Variants in PCDH9 observed in about 807,000 individuals in gnomAD.
PCDH9 encodes protocadherin-9.
PCDH9 carries 24 observed loss-of-function variants against 70.6 expected under a neutral mutation model. The ratio of observed to expected loss-of-function variants is 0.34; its 90% CI spans 0.25 to 0.48. The LOEUF is 0.48. Ranked by LOEUF, PCDH9 falls within the 20% of genes least tolerant of loss-of-function variation. PCDH9 has a pLI of 0.99. For missense variants in PCDH9, 1,281 were observed against 1,503.6 expected (o/e 0.85, Z 2.45); for synonymous variants, 562 against 558.5 (o/e 1.01, Z -0.09).
At chr13:67,000,321 G>A (rs1287202964) in intron 2 of PCDH9, among the ~76,000 whole-genome samples, 9 of 145,326 alleles carry the variant, frequency 6.2e-5, no homozygotes, top group Non-Finnish European at 1.1e-4. Context: ...ATCACACTCT[G>A]GGGACTGTTG....
intron 2 of PCDH9, among the ~76,000 whole-genome samples, chr13:67,196,761 C>G (rs1219403391): frequency 1.3e-5 from 2 of 151,618 alleles, no homozygotes; most frequent in African/African-American, 4.8e-5. Flanking sequence ...GTTAGATTAC[C>G]AAAAAACCCA....
chr13:67,069,502 TAC>T (rs1227519861), intron 2 of PCDH9, among the ~76,000 whole-genome samples: 1 of 152,154 alleles, frequency 6.6e-6, no homozygotes, highest in Non-Finnish European at 1.5e-5. Context: ...AGAAAACCTT[TAC>T]ATCGAAACCA....
At chr13:66,937,079 C>T (rs1198501661) in intron 2 of PCDH9, among the ~76,000 whole-genome samples, 1 of 152,138 alleles carries the variant, frequency 6.6e-6, no homozygotes, top group Non-Finnish European at 1.5e-5. Context: ...ATATAATTTT[C>T]CAGTTTTATT....
At chr13:66,942,008 A>G (rs1268883131) in intron 2 of PCDH9, among the ~76,000 whole-genome samples, 1 of 151,970 alleles carries the variant, frequency 6.6e-6, no homozygotes, top group African/African-American at 2.4e-5. Context: ...TCAGCGACAG[A>G]AGGACTTCTG....
intron 3 of PCDH9, among the ~76,000 whole-genome samples, chr13:66,818,534 A>G (rs2080648464): frequency 6.6e-6 from 1 of 152,186 alleles, no homozygotes; most frequent in Non-Finnish European, 1.5e-5. Flanking sequence ...ATTAAACTCA[A>G]GAATATATAA....
chr13:66,826,590 A>C (rs969904916), intron 3 of PCDH9, among the ~76,000 whole-genome samples: 25 of 152,218 alleles, frequency 1.6e-4, no homozygotes, highest in African/African-American at 5.1e-4. Context: ...CTGTGAATCC[A>C]GGAAATGATT....
At chr13:66,884,991 T>C (rs1215700176) in intron 3 of PCDH9, among the ~76,000 whole-genome samples, 1 of 152,186 alleles carries the variant, frequency 6.6e-6, no homozygotes, top group Admixed American at 6.6e-5. Context: ...ATAAAATTGA[T>C]TAAAATTTCT....
At chr13:67,229,268 T>G (rs1398049935) in intron 1 of PCDH9, among the ~76,000 whole-genome samples, 1 of 152,218 alleles carries the variant, frequency 6.6e-6, no homozygotes, top group Non-Finnish European at 1.5e-5. Context: ...CATAAACACA[T>G]TAAAACTTTT....
At chr13:66,835,111 T>C (rs534340345) in intron 3 of PCDH9, among the ~76,000 whole-genome samples, 6 of 152,358 alleles carry the variant, frequency 3.9e-5, no homozygotes, top group African/African-American at 1.4e-4. Flanking sequence ...GAGGACTGAC[T>C]ACCAAATTGA....
chr13:67,150,252 G>T (rs1274512479), intron 2 of PCDH9, among the ~76,000 whole-genome samples: 1 of 152,020 alleles, frequency 6.6e-6, no homozygotes, highest in African/African-American at 2.4e-5. Context: ...GGCCAGGCTG[G>T]CCTCGAACTC....
intron 3 of PCDH9, among the ~76,000 whole-genome samples, chr13:66,901,328 A>G (rs1295915775): frequency 6.6e-6 from 1 of 151,780 alleles, no homozygotes; most frequent in East Asian, 1.9e-4. Context: ...AGCACAGAGT[A>G]TGAGGTACTA....
intron 2 of PCDH9, among the ~76,000 whole-genome samples, chr13:66,959,331 T>C (rs1426376201): frequency 6.6e-6 from 1 of 152,220 alleles, no homozygotes; most frequent in Admixed American, 6.5e-5. Context: ...TCACTTTTTT[T>C]CTATAAAAGT....
At chr13:67,022,106 C>CTTTTTT (rs71110623) in intron 2 of PCDH9, among the ~76,000 whole-genome samples, 6 of 35,370 alleles carry the variant, frequency 1.7e-4, no homozygotes, top group African/African-American at 6.4e-4. Context: ...AGGTGATGTT[C>CTTTTTT]TTTTTTTTTT....
intron 2 of PCDH9, among the ~76,000 whole-genome samples, chr13:66,941,853 A>C (rs1324183672): frequency 6.6e-6 from 1 of 151,954 alleles, no homozygotes; most frequent in African/African-American, 2.4e-5. Flanking sequence ...TACTTGGCCC[A>C]AAAATAGCAG....
chr13:66,836,465 G>T (rs1036484346), intron 3 of PCDH9, among the ~76,000 whole-genome samples: 2 of 151,938 alleles, frequency 1.3e-5, no homozygotes, highest in African/African-American at 4.8e-5. Flanking sequence ...TATCAAACTT[G>T]ACCCTCTTAA....
At chr13:66,746,589 A>T (rs367742837) in intron 3 of PCDH9, among the ~76,000 whole-genome samples, 1 of 152,296 alleles carries the variant, frequency 6.6e-6, no homozygotes, top group East Asian at 1.9e-4. Context: ...ATCAGTTGAC[A>T]GCCTTAAATA....
rs570341015 is a variant in PCDH9, at chr13:66,961,667, G to A, written c.3037-58062C>T. Among the ~76,000 whole-genome samples the A allele has an allele frequency of 4.6e-5, 7 of 152,194 alleles. No individual in the cohort carries two copies. The East Asian group carries it at 1.2e-3, about 25-fold the overall frequency. On this transcript the variant is annotated intron_variant, in intron 2 of 4. Transcript: ENST00000377865. Reference sequence around the variant, plus strand: ...AACTTAAATGTTAACCCAATGTAAGGCTGCAAAGCCAAAAATATCAATTTT... The same window carrying A: ...AACTTAAATGTTAACCCAATGTAAGACTGCAAAGCCAAAAATATCAATTTT...
intron 2 of PCDH9, among the ~76,000 whole-genome samples, chr13:67,004,840 C>A (rs1451830886): frequency 2.0e-5 from 3 of 151,908 alleles, no homozygotes; most frequent in Non-Finnish European, 2.9e-5. Flanking sequence ...TTATTTAAGC[C>A]TCTTGTTACT....
intron 2 of PCDH9, chr13:67,215,545 A>G (rs34799271): frequency 0.1 from 15,687 of 152,040 alleles, 948 homozygotes; most frequent in South Asian, 0.17. Flanking sequence ...AAGTGAAGGA[A>G]TTTGATCCTG....
Sources: allele counts gnomAD v4.1 joint callset (sites outside exome capture counted in the v4.1 genomes callset), GRCh38; gene constraint gnomAD v4.1.1; transcripts MANE v1.5; gene names NCBI Gene and HGNC (gene_info 2026-07-23, HGNC 2026-07-21).